DOCK1: variants seen among roughly 807,000 people sequenced by gnomAD.
The protein encoded by DOCK1 is dedicator of cytokinesis 1.
Under a neutral mutation model 262.7 loss-of-function variants are expected in DOCK1, and 138 were observed. That is an observed-to-expected ratio of 0.53 (90% CI 0.46 to 0.61). The LOEUF (loss-of-function observed/expected upper bound fraction) is 0.61, where lower values mean the gene tolerates loss of function less well. Among genes scored for constraint, DOCK1 ranks in the 20% least tolerant of loss-of-function variants. The pLI is 0.00. For synonymous variants in DOCK1, 866 were observed against 867.4 expected (o/e 1.00, Z 0.03); for missense variants, 1,908 against 2,370.7 (o/e 0.80, Z 4.05).
intron 16 of DOCK1, among the ~76,000 whole-genome samples, chr10:127,029,319 A>G (rs888207190): frequency 6.6e-6 from 1 of 152,196 alleles, no homozygotes; most frequent in African/African-American, 2.4e-5. Flanking sequence ...AGGTAGAAAG[A>G]GCTGAGGCCA....
In DOCK1 at chr10:127,333,932, C is replaced by T. The variant is rs572654944; in HGVS notation, c.3045-5074C>T. Among the ~76,000 whole-genome samples, 22 of 152,274 alleles carry T rather than the reference C, an allele frequency of 1.4e-4. 1 individual carries two copies. The highest frequency in any genetic ancestry group is 5.3e-4 in the African/African-American group (22 of 41,552). On this transcript the variant is annotated intron_variant, in intron 29 of 51. Transcript: ENST00000623213. ...AATAAAAAAACAAAACCTGTAGGTT[C>T]AAAGTTCCAGGGAGCTTAGAGGCAC... is the stretch of plus-strand genomic sequence containing the variant.
chr10:127,155,299 C>A (rs973035370), intron 27 of DOCK1, among the ~76,000 whole-genome samples: 1 of 151,996 alleles, frequency 6.6e-6, no homozygotes, highest in African/African-American at 2.4e-5. Context: ...TGCTACATGC[C>A]GTGATTGTCT....
chr10:127,324,413 C>G (rs2062670109), intron 29 of DOCK1, among the ~76,000 whole-genome samples: 1 of 152,170 alleles, frequency 6.6e-6, no homozygotes, highest in Non-Finnish European at 1.5e-5. Flanking sequence ...ATGGAGAAGA[C>G]AGCCTCTGGG....
chr10:127,373,917 G>GT (rs2065344354), intron 34 of DOCK1, 51 bp downstream of exon 34: 2 of 1,565,908 alleles, frequency 1.3e-6, no homozygotes, highest in African/African-American at 2.7e-5. Context: ...CAGAGACAGA[G>GT]AGACCGTAAT....
intron 32 of DOCK1, among the ~76,000 whole-genome samples, chr10:127,361,305 G>C (rs969723605): frequency 6.6e-6 from 1 of 151,616 alleles, no homozygotes; most frequent in Admixed American, 6.6e-5. Flanking sequence ...TAGTAGAGAC[G>C]GTGTCTCACC....
At chr10:127,124,632 A>G (rs1372278434) in intron 25 of DOCK1, among the ~76,000 whole-genome samples, 1 of 152,170 alleles carries the variant, frequency 6.6e-6, no homozygotes, top group Non-Finnish European at 1.5e-5. Context: ...GCATCCCTTC[A>G]TTTTATAGCC....
Position 127,127,653 on chromosome 10 carries a change from G to T in DOCK1, c.2752-16G>T, listed in dbSNP as rs752355322. Reference sequence around the variant, plus strand: ...GTTTCTCTGGTGTTGGTGTTCATTGGTGTGTCCTTCCCCAGGGGCCAACCC... The same window carrying T: ...GTTTCTCTGGTGTTGGTGTTCATTGTTGTGTCCTTCCCCAGGGGCCAACCC... On this transcript the variant is annotated splice_polypyrimidine_tract_variant and intron_variant, in intron 26 of 51. Coordinates refer to ENST00000623213, the MANE Select transcript of DOCK1 (RefSeq NM_001290223.2). 4 of 1,603,908 alleles carry T rather than the reference G, an allele frequency of 2.5e-6. No homozygotes were observed. The highest frequency in any genetic ancestry group is 3.4e-6 in the Non-Finnish European group (4 of 1,171,672).
intron 1 of DOCK1, among the ~76,000 whole-genome samples, chr10:126,938,264 T>C (rs2034691728): frequency 6.6e-6 from 1 of 152,122 alleles, no homozygotes; most frequent in Non-Finnish European, 1.5e-5. Flanking sequence ...GTCAGGCTTG[T>C]CTCAAACTCC....
At chr10:127,020,714 G>A (rs546181627) in intron 13 of DOCK1, among the ~76,000 whole-genome samples, 1 of 152,298 alleles carries the variant, frequency 6.6e-6, no homozygotes, top group Admixed American at 6.5e-5. Context: ...GCTTGGGTGG[G>A]TCATCTGCGT....
At chr10:127,365,662 G>A (rs1180694071) in intron 33 of DOCK1, among the ~76,000 whole-genome samples, 1 of 152,132 alleles carries the variant, frequency 6.6e-6, no homozygotes, top group Non-Finnish European at 1.5e-5. Context: ...TCAAAATAAG[G>A]TCAAGGGCAG....
intron 7 of DOCK1, among the ~76,000 whole-genome samples, chr10:126,997,503 G>A (rs542512870): frequency 4.6e-5 from 7 of 152,034 alleles, no homozygotes; most frequent in Non-Finnish European, 8.8e-5. Flanking sequence ...GTGTGCGGGG[G>A]GGTGCTACAC....
chr10:127,185,869 AT>A (rs1160445649), intron 27 of DOCK1, among the ~76,000 whole-genome samples: 4 of 152,226 alleles, frequency 2.6e-5, no homozygotes, highest in Non-Finnish European at 4.4e-5. Flanking sequence ...TACAGGTTCT[AT>A]ATTTAACCAT....
intron 27 of DOCK1, among the ~76,000 whole-genome samples, chr10:127,237,875 T>G (rs944028419): frequency 2.0e-5 from 3 of 152,230 alleles, no homozygotes; most frequent in Non-Finnish European, 4.4e-5. Flanking sequence ...AGAAGCTGTT[T>G]TCCTTTGGCT....
intron 1 of DOCK1, among the ~76,000 whole-genome samples, chr10:126,956,588 C>T (rs1237830970): frequency 3.3e-5 from 5 of 152,204 alleles, no homozygotes; most frequent in African/African-American, 1.2e-4. Context: ...CCTCAGCTCG[C>T]ACTGGGGCCG....
intron 26 of DOCK1, among the ~76,000 whole-genome samples, chr10:127,125,839 A>C (rs538012660): frequency 1.3e-5 from 2 of 152,244 alleles, no homozygotes; most frequent in East Asian, 3.9e-4. Flanking sequence ...TCTCGACGAA[A>C]TGTCTCTCAG....
chr10:127,174,828 G>A (rs915873244), intron 27 of DOCK1, among the ~76,000 whole-genome samples: 1 of 152,182 alleles, frequency 6.6e-6, no homozygotes, highest in Non-Finnish European at 1.5e-5. Flanking sequence ...TAAGAGGCCT[G>A]TGGCCTCTTC....
intron 27 of DOCK1, among the ~76,000 whole-genome samples, chr10:127,226,271 A>C (rs986855747): frequency 2.0e-5 from 3 of 152,098 alleles, no homozygotes; most frequent in Non-Finnish European, 2.9e-5. Flanking sequence ...AAATTGATTT[A>C]TACTCCTTAG....
chr10:126,976,610 A>G (rs922703687), intron 2 of DOCK1, among the ~76,000 whole-genome samples: 18 of 152,146 alleles, frequency 1.2e-4, no homozygotes, highest in African/African-American at 4.3e-4. Context: ...TGCCTTTTTA[A>G]TAGTGTAAAG....
intron 40 of DOCK1, 34 bp from the exon 41 acceptor site, chr10:127,409,003 T>G (rs113446287): frequency 1.9e-6 from 3 of 1,557,576 alleles, no homozygotes; most frequent in Admixed American, 1.9e-5. Flanking sequence ...GCCCTTTCTC[T>G]GTGGTGTTAT....
Sources: allele counts gnomAD v4.1 joint callset (sites outside exome capture counted in the v4.1 genomes callset), GRCh38; gene constraint gnomAD v4.1.1; transcripts MANE v1.5; gene names NCBI Gene and HGNC (gene_info 2026-07-23, HGNC 2026-07-21).